The following LNX1 variants were observed in gnomAD, a reference collection of about 807,000 sequenced individuals.
LNX1 encodes E3 ubiquitin-protein ligase LNX.
In LNX1, 54 loss-of-function variants were observed where a neutral mutation model predicts 68.4. That is an observed-to-expected ratio of 0.79 (90% CI 0.63 to 0.99). The LOEUF (loss-of-function observed/expected upper bound fraction) is 0.99. LNX1 is among the 50% of genes least tolerant of loss of function. The pLI is 0.00. For synonymous variants in LNX1, 336 were observed against 350.0 expected, an observed-to-expected ratio of 0.96 and a Z score of 0.45; for missense variants, 906 against 926.4, an observed-to-expected ratio of 0.98 and a Z score of 0.29.
intron 9 of LNX1, among the ~76,000 whole-genome samples, chr4:53,467,418 A>C (rs542892875): frequency 6.6e-6 from 1 of 152,318 alleles, no homozygotes; most frequent in African/African-American, 2.4e-5. Context: ...ACCAGAAACT[A>C]TAAAAATCAG....
chr4:53,575,905 C>T (rs1169983084), intron 1 of LNX1: 46 of 1,573,542 alleles, frequency 2.9e-5, no homozygotes, highest in South Asian at 4.8e-5. Flanking sequence ...GGAGGACTGC[C>T]GAGAGGCTGT....
At chr4:53,584,428 A>C (rs78939933) in intron 1 of LNX1, among the ~76,000 whole-genome samples, 3,895 of 152,336 alleles carry the variant, frequency 0.026, 87 homozygotes, top group Non-Finnish European at 0.037. Context: ...TACATAATAC[A>C]TGGCAATGTG....
intron 2 of LNX1, among the ~76,000 whole-genome samples, chr4:53,529,706 A>T (rs1727884331): frequency 6.6e-6 from 1 of 152,210 alleles, no homozygotes; most frequent in Non-Finnish European, 1.5e-5. Flanking sequence ...CTACCACCAT[A>T]GTAGGACAGA....
chr4:53,533,261 T>C (rs73145501), intron 2 of LNX1, among the ~76,000 whole-genome samples: 2,924 of 152,110 alleles, frequency 0.019, 97 homozygotes, highest in African/African-American at 0.067. Context: ...CAATAGAACA[T>C]ACAAAGGAAC....
At chr4:53,516,106 A>G (rs1026811247) in intron 2 of LNX1, among the ~76,000 whole-genome samples, 4 of 152,104 alleles carry the variant, frequency 2.6e-5, no homozygotes, top group African/African-American at 9.7e-5. Flanking sequence ...GCTGGGCATG[A>G]TGGTGCATGC....
chr4:53,508,389 A>G, intron 2 of LNX1, 162 bp from the exon 3 acceptor site: 1 of 831,618 alleles, frequency 1.2e-6, no homozygotes, highest in South Asian at 1.9e-5. Context: ...ACACATCGGT[A>G]CTCAATATAC....
At chr4:53,568,412 T>C (rs1052944068) in intron 2 of LNX1, among the ~76,000 whole-genome samples, 7 of 152,050 alleles carry the variant, frequency 4.6e-5, no homozygotes, top group Admixed American at 2.0e-4. Flanking sequence ...ATTATCTCAA[T>C]AGATGCAGAA....
chr4:53,585,273 T>TG (rs1732094525), intron 1 of LNX1, among the ~76,000 whole-genome samples: 1 of 152,192 alleles, frequency 6.6e-6, no homozygotes, highest in Admixed American at 6.5e-5. Flanking sequence ...CACTTACTAC[T>TG]GTGGCATGAA....
At chr4:53,501,675 C>T (rs1287709296) in intron 4 of LNX1, among the ~76,000 whole-genome samples, 1 of 152,126 alleles carries the variant, frequency 6.6e-6, no homozygotes, top group Non-Finnish European at 1.5e-5. Flanking sequence ...TGGCGCCAGT[C>T]CCTTTACTGA....
chr4:53,579,851 C>T (rs1427593141), intron 1 of LNX1, among the ~76,000 whole-genome samples: 2 of 152,188 alleles, frequency 1.3e-5, no homozygotes, highest in Non-Finnish European at 2.9e-5. Flanking sequence ...ATAAATATAA[C>T]ATTTGGCATG....
intron 2 of LNX1, among the ~76,000 whole-genome samples, chr4:53,610,791 A>G (rs183517504): frequency 1.3e-5 from 2 of 151,930 alleles, no homozygotes; most frequent in Admixed American, 6.5e-5. Flanking sequence ...GAGATAAATA[A>G]AGGCAAAAGC....
intron 1 of LNX1, among the ~76,000 whole-genome samples, chr4:53,629,592 G>C (rs532022381): frequency 7.9e-5 from 12 of 152,218 alleles, no homozygotes; most frequent in Non-Finnish European, 1.8e-4. Context: ...CTCGAAACCA[G>C]TGGCAAAGCC....
chr4:53,551,518 G>A (rs1204116585), intron 2 of LNX1, among the ~76,000 whole-genome samples: 1 of 152,138 alleles, frequency 6.6e-6, no homozygotes, highest in Non-Finnish European at 1.5e-5. Flanking sequence ...CTGATAAGGA[G>A]AAAAAGCCCT....
chr4:53,466,168 C>T (rs1722663948), intron 9 of LNX1, among the ~76,000 whole-genome samples: 1 of 151,260 alleles, frequency 6.6e-6, no homozygotes, highest in East Asian at 1.9e-4. Context: ...AAAAAAAAAT[C>T]ACATATTATT....
intron 1 of LNX1, among the ~76,000 whole-genome samples, chr4:53,632,127 C>G (rs529998374): frequency 3.3e-5 from 5 of 152,226 alleles, no homozygotes; most frequent in Admixed American, 3.3e-4. Context: ...CCTAGGGCTG[C>G]ATTATGAGGA....
chr4:53,552,069 T>G (rs2109702487), intron 2 of LNX1, among the ~76,000 whole-genome samples: 1 of 152,350 alleles, frequency 6.6e-6, no homozygotes, highest in Middle Eastern at 3.4e-3. Flanking sequence ...ATGAATATTG[T>G]TCCTAGTGAT....
At chr4:53,474,861 G>T (rs1723464158) in intron 9 of LNX1, among the ~76,000 whole-genome samples, 1 of 152,190 alleles carries the variant, frequency 6.6e-6, no homozygotes, top group Non-Finnish European at 1.5e-5. Context: ...CCGCCTCCTG[G>T]GTTCAAGCAA....
At chr4:53,578,317 C>CATT (rs1041671293) in intron 1 of LNX1, among the ~76,000 whole-genome samples, 45 of 152,272 alleles carry the variant, frequency 3.0e-4, no homozygotes, top group African/African-American at 1.1e-3. Context: ...CTTGGGTGAA[C>CATT]ATCATAGAGT....
At chr4:53,551,459 C>T (rs115123099) in intron 2 of LNX1, among the ~76,000 whole-genome samples, 152 of 152,238 alleles carry the variant, frequency 1.0e-3, no homozygotes, top group African/African-American at 3.1e-3. Context: ...CTCAAGCATG[C>T]GCACTAAGAG....
Sources: allele counts gnomAD v4.1 joint callset (sites outside exome capture counted in the v4.1 genomes callset), GRCh38; gene constraint gnomAD v4.1.1; transcripts MANE v1.5; gene names NCBI Gene and HGNC (gene_info 2026-07-23, HGNC 2026-07-21).